NCOA1: variants seen among roughly 807,000 people sequenced by gnomAD.
NCOA1 encodes Hin-2 protein.
Under a neutral mutation model 150.9 loss-of-function variants are expected in NCOA1, and 35 were observed. That is an observed-to-expected ratio of 0.23 (90% CI 0.18 to 0.31). The LOEUF (loss-of-function observed/expected upper bound fraction) is 0.31, where lower values mean the gene tolerates loss of function less well. Among genes scored for constraint, NCOA1 ranks in the 10% least tolerant of loss-of-function variants. The pLI, the probability that NCOA1 is intolerant of heterozygous loss-of-function variation, is 1.00. For missense variants in NCOA1, 1,491 were observed against 1,749.3 expected, an observed-to-expected ratio of 0.85 and a Z score of 2.63; for synonymous variants, 590 against 630.0, an observed-to-expected ratio of 0.94 and a Z score of 0.95.
intron 19 of NCOA1, among the ~76,000 whole-genome samples, chr2:24,745,442 G>A (rs760724868): frequency 2.6e-5 from 4 of 152,222 alleles, no homozygotes; most frequent in African/African-American, 7.2e-5. Context: ...GATTACAGGC[G>A]TGAGCCACCG....
rs540639326 is a variant in NCOA1 at position 24,549,519 on chromosome 2, T to C, written c.-395-14776T>C. On this transcript the variant is annotated intron_variant, in intron 1 of 22. Transcript: ENST00000348332. ...GAATTCTCCTCAGAAAATAGGATTT[T>C]CTTCTCTATCACATTGTCAGGCTGC... is the stretch of plus-strand genomic sequence containing the variant. Among the ~76,000 whole-genome samples, 18 of 152,306 alleles carry C rather than the reference T, an allele frequency of 1.2e-4. No individual in the cohort carries two copies. In the South Asian group the frequency reaches 3.5e-3, roughly 30 times the overall value.
At chr2:24,740,305 T>C (rs1032447062) in intron 18 of NCOA1, among the ~76,000 whole-genome samples, 1 of 152,198 alleles carries the variant, frequency 6.6e-6, no homozygotes, top group Admixed American at 6.5e-5. Context: ...AATGTGTTAT[T>C]AGGCAACTTC....
At chr2:24,567,417 A>G (rs1666560567) in intron 2 of NCOA1, among the ~76,000 whole-genome samples, 1 of 152,198 alleles carries the variant, frequency 6.6e-6, no homozygotes, top group African/African-American at 2.4e-5. Context: ...CTTTGTAAAG[A>G]ATGAGTCTAG....
At position 24,691,672 on chromosome 2, in the gene NCOA1, C is replaced by T. The variant is rs538717447; in HGVS notation, c.712+12C>T. 38 of 1,608,720 alleles carry T rather than the reference C, an allele frequency of 2.4e-5. No homozygotes were observed. The highest frequency in any genetic ancestry group is 1.2e-4 in the African/African-American group (9 of 74,726). On this transcript the variant is annotated intron_variant, in intron 9 of 22. Transcript: ENST00000348332. ...AGAGGATGGAGAAGGTAAAGCCAAA[C>T]GGTCTTTTTAAAGTGTTTATTTCTT...
chr2:24,544,412 G>T (rs1439563225), intron 1 of NCOA1, among the ~76,000 whole-genome samples: 1 of 152,132 alleles, frequency 6.6e-6, no homozygotes, highest in East Asian at 1.9e-4. Flanking sequence ...TGGAAGAGGT[G>T]ATCCAGGTCA....
chr2:24,535,327 T>G (rs1216904921), intron 1 of NCOA1, among the ~76,000 whole-genome samples: 1 of 152,184 alleles, frequency 6.6e-6, no homozygotes, highest in Non-Finnish European at 1.5e-5. Context: ...ATCCCTTTAT[T>G]TTGAGCCTAT....
intron 8 of NCOA1, among the ~76,000 whole-genome samples, chr2:24,689,258 A>G (rs1456315774): frequency 6.6e-6 from 1 of 152,094 alleles, no homozygotes; most frequent in Non-Finnish European, 1.5e-5. Flanking sequence ...TCTGTGAAAA[A>G]TGTCATTGGT....
chr2:24,669,078 G>A (rs1671570700), intron 6 of NCOA1, among the ~76,000 whole-genome samples: 1 of 152,104 alleles, frequency 6.6e-6, no homozygotes, highest in Non-Finnish European at 1.5e-5. Context: ...TAGCAGGTTG[G>A]TGTAAATAAA....
At chr2:24,766,451 A>G (rs1665068725) in intron 22 of NCOA1, among the ~76,000 whole-genome samples, 1 of 152,178 alleles carries the variant, frequency 6.6e-6, no homozygotes, top group Non-Finnish European at 1.5e-5. Context: ...GTTGTGGCCA[A>G]TCATGAATCT....
chr2:24,569,552 A>ATTTTTTTTTTTTTTTTTTTTTTTTTTTT (rs200639064), intron 2 of NCOA1, among the ~76,000 whole-genome samples: 2 of 93,802 alleles, frequency 2.1e-5, no homozygotes, highest in African/African-American at 8.0e-5. Flanking sequence ...GGTTTTATTA[A>ATTTTTTTTTTTTTTTTTTTTTTTTTTTT]TTTTTTTTTT....
chr2:24,759,632 A>G (rs1572692953), intron 21 of NCOA1, among the ~76,000 whole-genome samples: 3 of 152,184 alleles, frequency 2.0e-5, no homozygotes, highest in Admixed American at 6.5e-5. Context: ...TAACTAGGCT[A>G]TTACCATGCA....
rs1020889766 is a variant in NCOA1, at chr2:24,566,096, A to G, written c.-260+1666A>G. ...AACTTTTTCAATCCTGCCATTTGAT[A>G]TGTCCCGAGTTCTTGTCCCACACCC... On this transcript the variant is annotated intron_variant, in intron 2 of 22. Transcript: ENST00000348332. Among the ~76,000 whole-genome samples the G allele has an allele frequency of 5.9e-5, 9 of 152,306 alleles. No homozygotes were observed. The South Asian group carries it at 1.4e-3, about 25-fold the overall frequency.
chr2:24,520,102 G>A (rs879661654), intron 1 of NCOA1, among the ~76,000 whole-genome samples: 2 of 152,108 alleles, frequency 1.3e-5, no homozygotes, highest in Non-Finnish European at 1.5e-5. Flanking sequence ...ACATTAAAAG[G>A]ACTGACTGTA....
At chr2:24,492,167 C>T (rs1339102607) in intron 1 of NCOA1, 1 of 152,192 alleles carries the variant, frequency 6.6e-6, no homozygotes, top group Non-Finnish European at 1.5e-5. Flanking sequence ...CTCGCCCCTT[C>T]TCCCGAGAAG....
At chr2:24,517,885 TAG>T (rs1001934870) in intron 1 of NCOA1, among the ~76,000 whole-genome samples, 2 of 152,208 alleles carry the variant, frequency 1.3e-5, no homozygotes, top group Admixed American at 1.3e-4. Flanking sequence ...AATATAGTAA[TAG>T]CATCAGAATT....
At position 24,769,824 on chromosome 2, in the gene NCOA1, G is replaced by A. The variant is rs55733404; in HGVS notation, c.*1433G>A. The A allele has an allele frequency of 4.5e-6, 1 of 223,552 alleles. No homozygotes were observed. Among genetic ancestry groups the A allele is most frequent in the African/African-American group, 2.2e-5 (1 of 44,760 alleles). The allele number at this position is 223,552 out of a possible 1,614,324, so 13.8% of individuals were successfully genotyped here. On this transcript the variant is annotated 3_prime_UTR_variant, in exon 23 of 23. Transcript: ENST00000348332. ...GCTTGAGAAAGGTATTGTGGAAGAA[G>A]CAAAGGTAGACCCCCATCACTCACC... is the stretch of plus-strand genomic sequence containing the variant.
At chr2:24,572,178 A>G (rs557443721) in intron 2 of NCOA1, among the ~76,000 whole-genome samples, 31 of 152,242 alleles carry the variant, frequency 2.0e-4, no homozygotes, top group South Asian at 1.0e-3. Context: ...AACTTTTGAA[A>G]TGGGGAGGGA....
Position 24,622,433 on chromosome 2 carries a change from GGT to G in NCOA1, c.-174-21532_-174-21531del, listed in dbSNP as rs1331129620. ...CAAACATTACCAGTGTTTCCTGGGA[GGT>G]AATACAGCCCCAGTTAATAACTACT... is the stretch of plus-strand genomic sequence containing the variant. On this transcript the variant is annotated intron_variant, in intron 3 of 22. Coordinates refer to ENST00000348332, the MANE Select transcript of NCOA1 (RefSeq NM_003743.5). 2.0e-5 allele frequency among the ~76,000 whole-genome samples: 3 copies of G among 152,138 alleles called. No homozygotes were observed. The East Asian group carries it at 5.8e-4, about 29-fold the overall frequency.
In NCOA1 at chr2:24,707,333, T is replaced by C; in HGVS notation, c.1863T>C (p.Asp621=). The C allele has an allele frequency of 6.2e-7, 1 of 1,614,246 alleles. No individual in the cohort carries two copies. The highest frequency in any genetic ancestry group is 1.3e-5 in the African/African-American group (1 of 75,070). The change falls in exon 13 of 23, where the codon GAT becomes GAC. Residue 621 remains aspartate, a synonymous_variant. Transcript: ENST00000348332. ...GLLHNNDRLS[D]GDSKYSQTSH... ...TGCATAACAATGACAGACTTTCAGA[T>C]GGAGACAGTAAATACTCTCAAACCA...
Sources: gnomAD v4.1 joint callset for allele counts (sites outside exome capture counted in the v4.1 genomes callset) on GRCh38, gnomAD v4.1.1 for gene constraint, MANE v1.5 for transcripts, NCBI Gene and HGNC (gene_info 2026-07-23, HGNC 2026-07-21) for gene names.